The following FSIP2 variants were observed in gnomAD, a reference collection of about 807,000 sequenced individuals.
The protein encoded by FSIP2 is fibrous sheath-interacting protein 2.
Under a neutral mutation model 510.5 loss-of-function variants are expected in FSIP2, and 367 were observed. That is an observed-to-expected ratio of 0.72 (90% confidence interval 0.66 to 0.78). FSIP2 has a LOEUF of 0.78. Among genes scored for constraint, FSIP2 ranks in the 30% least tolerant of loss-of-function variants. The pLI, the probability that FSIP2 is intolerant of heterozygous loss-of-function variation, is 0.00. For synonymous variants in FSIP2, 2,601 were observed against 2,732.2 expected (o/e 0.95, Z 1.50); for missense variants, 7,594 against 7,901.7 (o/e 0.96, Z 1.48).
At chr2:185,824,569 T>C in intron 20 of FSIP2, 89 bp downstream of exon 20, 2 of 781,588 alleles carry the variant, frequency 2.6e-6, no homozygotes, top group Admixed American at 5.0e-5. Flanking sequence ...TTAATACAGG[T>C]TTTATGTTTT....
intron 5 of FSIP2, 118 bp from the exon 6 acceptor site, chr2:185,746,551 C>G: frequency 1.4e-6 from 1 of 734,606 alleles, no homozygotes; most frequent in Non-Finnish European, 2.1e-6. Flanking sequence ...CAGTAAAATT[C>G]TTGTAGTTCA....
At chr2:185,752,674 G>A (rs531606494) in intron 7 of FSIP2, among the ~76,000 whole-genome samples, 1 of 151,182 alleles carries the variant, frequency 6.6e-6, no homozygotes, top group Admixed American at 6.6e-5. Context: ...TTTGGACCTT[G>A]TTATGTCTCC....
chr2:185,804,371 A>G lies in FSIP2; in HGVS notation c.15065A>G (p.Gln5022Arg). 6.7e-7 allele frequency: 1 copy of G among 1,501,860 alleles called. No homozygotes were observed. Among genetic ancestry groups the G allele is most frequent in the Non-Finnish European group, 8.8e-7 (1 of 1,132,068 alleles). 93.0% of individuals were successfully genotyped at this position (1,501,860 alleles called of 1,614,324 possible). A position where few individuals can be genotyped will look rare whatever the true frequency, so the allele number is the denominator to read the frequency against. Residue 5022 changes from glutamine (Q) to arginine (R), a missense_variant, in exon 17 of 23, where the codon CAA (glutamine) becomes CGA (arginine). Physicochemically the swap from Gln to Arg is conservative, Grantham distance 43. Coordinates refer to ENST00000424728, the MANE Select transcript of FSIP2 (RefSeq NM_173651.4). ...CFSERYKEMV[Q>R]KIVNSVYGKV... The stretch of plus-strand genomic sequence containing the variant: ...TCAGAAAGATACAAAGAAATGGTTC[A>G]AAAAATAGTCAACTCAGTATATGGA...
intron 13 of FSIP2, among the ~76,000 whole-genome samples, chr2:185,766,702 A>G (rs1342432695): frequency 1.3e-5 from 2 of 150,878 alleles, no homozygotes; most frequent in East Asian, 2.0e-4. Context: ...AAATAGGAAC[A>G]CTTTTACACT....
chr2:185,750,950 CTT>C (rs1169234549), intron 7 of FSIP2, among the ~76,000 whole-genome samples: 1 of 151,346 alleles, frequency 6.6e-6, no homozygotes, highest in Non-Finnish European at 1.5e-5. Flanking sequence ...AGAGAAAAGA[CTT>C]TTATTTCCCA....
At chr2:185,739,070 A>C in intron 1 of FSIP2, 77 bp downstream of exon 1, 1 of 1,444,398 alleles carries the variant, frequency 6.9e-7, no homozygotes, top group Non-Finnish European at 9.1e-7. Flanking sequence ...GGATCGCCAC[A>C]CACGGGTCGC....
chr2:185,829,253 A>G (rs1276682377), intron 21 of FSIP2, among the ~76,000 whole-genome samples: 1 of 151,870 alleles, frequency 6.6e-6, no homozygotes, highest in African/African-American at 2.4e-5. Context: ...TATCTAATCC[A>G]GTTTCAAATA....
chr2:185,743,710 T>G (rs895134071), intron 3 of FSIP2, among the ~76,000 whole-genome samples: 1 of 152,174 alleles, frequency 6.6e-6, no homozygotes, highest in Non-Finnish European at 1.5e-5. Context: ...ATAGAGTATA[T>G]TCTTATTGGA....
At position 185,803,482 on chromosome 2, in the gene FSIP2, T is replaced by A. The variant is rs1693488603; in HGVS notation, c.14176T>A (p.Leu4726Met). 1 of 1,530,646 alleles carries A rather than the reference T, an allele frequency of 6.5e-7. No individual in the cohort carries two copies. Among genetic ancestry groups the A allele is most frequent in the Non-Finnish European group, 8.7e-7 (1 of 1,144,106 alleles). The allele number at this position is 1,530,646 out of a possible 1,614,324, so 94.8% of individuals were successfully genotyped here. ...AGATTTTCTAAATGACACAAAGACA[T>A]TGGCTGCAAGAATAACTAATATCAT... ...NKDFLNDTKTLAARITNIILA... is the reference protein window; with the variant it reads ...NKDFLNDTKTMAARITNIILA... Residue 4726 changes from leucine (L) to methionine (M), a missense_variant, in exon 17 of 23, where the codon TTG (leucine) becomes ATG (methionine). By Grantham distance (15) the Leu-to-Met change is conservative (BLOSUM62 2). Transcript: ENST00000424728.
At position 185,793,644 on chromosome 2, in the gene FSIP2, G is replaced by C; in HGVS notation, c.6508G>C (p.Ala2170Pro). Residue 2170 changes from alanine to proline, a missense_variant, in exon 16 of 23, where the codon GCT becomes CCT. By Grantham distance (27) the Ala-to-Pro change is conservative. Coordinates refer to ENST00000424728, the MANE Select transcript of FSIP2 (RefSeq NM_173651.4). ...TATTGTTCTTCATAATCTCAGTTCT[G>C]CTGCCACGCTTGTCATAAATGCAAA... ...VNIVLHNLSS[A>P]ATLVINAKNP... is the part of the protein sequence containing the mutation. 6.5e-7 allele frequency: 1 copy of C among 1,534,508 alleles called. No homozygotes were observed. Among genetic ancestry groups the C allele is most frequent in the African/African-American group, 1.4e-5 (1 of 72,978 alleles).
intron 13 of FSIP2, among the ~76,000 whole-genome samples, chr2:185,770,354 T>A (rs1574166757): frequency 6.6e-6 from 1 of 152,134 alleles, no homozygotes; most frequent in East Asian, 1.9e-4. Context: ...CACATTGCAA[T>A]CCTGATTTGG....
rs57222529 is a variant in FSIP2, at chr2:185,831,389, A to C, written c.20518-424A>C. Among the ~76,000 whole-genome samples the C allele has an allele frequency of 2.0e-3, 303 of 152,088 alleles. 2 individuals are homozygous for C. The highest frequency in any genetic ancestry group is 7.0e-3 in the African/African-American group (289 of 41,550). ...GCCACTTTATTGCTCCAGACTCTGC[A>C]GTGGCTAAGATTTCAATAGAAGAAA... On this transcript the variant is annotated intron_variant, in intron 21 of 22. Coordinates refer to ENST00000424728, the MANE Select transcript of FSIP2 (RefSeq NM_173651.4).
In FSIP2 at chr2:185,806,968, G is replaced by A. The variant is rs762359522; in HGVS notation, c.17662G>A (p.Asp5888Asn). Residue 5888 changes from aspartate to asparagine, a missense_variant, in exon 17 of 23, where the codon GAT becomes AAT. By Grantham distance (23) the Asp-to-Asn change is conservative. Coordinates refer to ENST00000424728, the MANE Select transcript of FSIP2 (RefSeq NM_173651.4). Reference protein sequence around the residue: ...APSSIKIKSADKMPPMHKMMR... With the variant: ...APSSIKIKSANKMPPMHKMMR... ...ATCCAGCATTAAGATAAAATCTGCA[G>A]ATAAAATGCCACCTATGCATAAAAT... 1 of 1,611,034 alleles carries A rather than the reference G, an allele frequency of 6.2e-7. No homozygotes were observed. Among genetic ancestry groups the A allele is most frequent in the Non-Finnish European group, 8.5e-7 (1 of 1,178,616 alleles).
At chr2:185,781,414 C>CAACTT (rs1231413760) in intron 13 of FSIP2, among the ~76,000 whole-genome samples, 2 of 152,078 alleles carry the variant, frequency 1.3e-5, no homozygotes, top group Admixed American at 6.6e-5. Context: ...AATGCATTTC[C>CAACTT]AACTTAACAT....
intron 20 of FSIP2, 69 bp downstream of exon 20, chr2:185,824,549 A>G: frequency 1.1e-6 from 1 of 909,180 alleles, no homozygotes; most frequent in South Asian, 1.5e-5. Flanking sequence ...TTTAGTTATC[A>G]AACTTGAAGT....
chr2:185,820,575 T>C (rs925723667), intron 19 of FSIP2, among the ~76,000 whole-genome samples: 10 of 151,676 alleles, frequency 6.6e-5, no homozygotes, highest in Admixed American at 2.0e-4. Flanking sequence ...GGATAAATTA[T>C]ATCTTAGGCC....
intron 20 of FSIP2, 72 bp downstream of exon 20, chr2:185,824,552 C>G (rs1693981890): frequency 3.4e-6 from 3 of 886,808 alleles, no homozygotes; most frequent in Admixed American, 2.4e-5. Context: ...AGTTATCAAA[C>G]TTGAAGTTAA....
Position 185,794,762 on chromosome 2 carries a change from A to G in FSIP2, c.7626A>G (p.Ile2542Met), listed in dbSNP as rs1693228284. 3 of 1,534,166 alleles carry G rather than the reference A, an allele frequency of 2.0e-6. No individual in the cohort carries two copies. The change falls in exon 16 of 23, where the codon ATA becomes ATG. Residue 2542 changes from isoleucine (I) to methionine (M), a missense_variant. Transcript: ENST00000424728. ...ATATTAACAGTGTAGCAAATGACATAGTTGAAAGTGTTTTGGGGAAAATGT... is the reference window on the plus strand; with the variant it reads ...ATATTAACAGTGTAGCAAATGACATGGTTGAAAGTGTTTTGGGGAAAATGT... Reference protein sequence around the residue: ...QSHINSVANDIVESVLGKMYL... With the variant: ...QSHINSVANDMVESVLGKMYL...
chr2:185,803,923 C>T lies in FSIP2; in HGVS notation c.14617C>T (p.His4873Tyr), dbSNP rs2105645010. ...MVDSIYADLS[H>Y]SNIYQSITKD... is the part of the protein sequence containing the mutation. The stretch of plus-strand genomic sequence containing the variant: ...TGATTCCATTTATGCTGATCTTTCT[C>T]ATTCAAATATATACCAGTCCATTAC... The change falls in exon 17 of 23, where the codon CAT becomes TAT. Residue 4873 changes from histidine to tyrosine, a missense_variant. His to Tyr is a moderately conservative substitution (Grantham distance 83). Coordinates refer to ENST00000424728, the MANE Select transcript of FSIP2 (RefSeq NM_173651.4). 2 of 1,522,840 alleles carry T rather than the reference C, an allele frequency of 1.3e-6. No homozygotes were observed. The highest frequency in any genetic ancestry group is 2.0e-5 in the Admixed American group (1 of 50,246). 94.3% of individuals were successfully genotyped at this position (1,522,840 alleles called of 1,614,324 possible).
Sources: allele counts gnomAD v4.1 joint callset (sites outside exome capture counted in the v4.1 genomes callset), GRCh38; gene constraint gnomAD v4.1.1; transcripts MANE v1.5; gene names NCBI Gene and HGNC (gene_info 2026-07-23, HGNC 2026-07-21).